The following POC1B variants were observed in gnomAD, a reference collection of about 807,000 sequenced individuals.
POC1B encodes the protein POC1 centriolar protein B.
In POC1B, 44 loss-of-function variants were observed where a neutral mutation model predicts 60.6. The ratio of observed to expected loss-of-function variants is 0.73; its 90% CI spans 0.57 to 0.93. The LOEUF (loss-of-function observed/expected upper bound fraction) is 0.93, where lower values mean the gene tolerates loss of function less well. POC1B is among the 40% of genes least tolerant of loss of function. The pLI, the probability that POC1B is intolerant of heterozygous loss-of-function variation, is 0.00. For missense variants in POC1B, 555 were observed against 572.3 expected (o/e 0.97, Z 0.31); for synonymous variants, 180 against 198.9 (o/e 0.90, Z 0.80).
chr12:89,462,611 T>A (rs752332521), intron 9 of POC1B, among the ~76,000 whole-genome samples: 7 of 152,180 alleles, frequency 4.6e-5, no homozygotes, highest in Non-Finnish European at 1.5e-5. Flanking sequence ...TAGTACAACG[T>A]CCAGCACACA....
At chr12:89,415,535 C>G (rs1880348995), downstream of POC1B, among the ~76,000 whole-genome samples, 1 of 151,224 alleles carries the variant, frequency 6.6e-6, no homozygotes, top group Non-Finnish European at 1.5e-5. Flanking sequence ...CCCAGCTACT[C>G]GGGAGGCTGA....
intron 4 of POC1B, among the ~76,000 whole-genome samples, chr12:89,475,911 T>G (rs1465296858): frequency 3.0e-5 from 1 of 33,656 alleles, no homozygotes; most frequent in Non-Finnish European, 5.7e-5. Context: ...GAGGGAATTC[T>G]TTTTTTTTTT....
At chr12:89,401,742 C>A in the POC1B span, among the ~76,000 whole-genome samples, 2 of 152,160 alleles carry the variant, frequency 1.3e-5, no homozygotes, top group Non-Finnish European at 2.9e-5. Context: ...TCACAAAGTC[C>A]TAAGAACTGA....
chr12:89,414,134 C>T, the POC1B span, among the ~76,000 whole-genome samples: 1 of 152,136 alleles, frequency 6.6e-6, no homozygotes, highest in East Asian at 1.9e-4. Context: ...CTCAAGTGAT[C>T]CGCCCACCTC....
chr12:89,500,441 C>G, intron 2 of POC1B: 1 of 1,550,168 alleles, frequency 6.5e-7, no homozygotes, highest in East Asian at 2.2e-5. Context: ...CCATGAAGTT[C>G]GTCAGAAAAT....
In POC1B at chr12:89,492,722, G is replaced by T. The variant is rs529411281; in HGVS notation, c.273-607C>A. Among the ~76,000 whole-genome samples, 10 of 152,256 alleles carry T rather than the reference G, an allele frequency of 6.6e-5. No homozygotes were observed. In the East Asian group the frequency reaches 1.5e-3, roughly 24 times the overall value. On this transcript the variant is annotated intron_variant, in intron 3 of 11. Coordinates refer to ENST00000313546, the MANE Select transcript of POC1B (RefSeq NM_172240.3). ...TGGCTGGTCAGCGTGACATCCGCCT[G>T]TGTCCAAGCCAGAAGCCTGGAAGTC...
rs573748819 is a variant in POC1B, at chr12:89,463,193, G to A, written c.1033-3475C>T. ...ACAGAATTTCATATGCAATTTATAT[G>A]TTAAGGTAATCTAAAATGGCCATAA... On this transcript the variant is annotated intron_variant, in intron 9 of 11. Transcript: ENST00000313546. Among the ~76,000 whole-genome samples the A allele has an allele frequency of 8.5e-5, 13 of 152,220 alleles. No homozygotes were observed. In the South Asian group the frequency reaches 2.7e-3, roughly 32 times the overall value.
At chr12:89,523,311 T>G in intron 2 of POC1B, 1 of 1,614,064 alleles carries the variant, frequency 6.2e-7, no homozygotes, top group Non-Finnish European at 8.5e-7. Context: ...CTCGTAGTAA[T>G]TTTCTTTCAG....
At chr12:89,453,246 C>A (rs1882125679) in intron 10 of POC1B, among the ~76,000 whole-genome samples, 1 of 152,152 alleles carries the variant, frequency 6.6e-6, no homozygotes, top group South Asian at 2.1e-4. Context: ...AATTAAGCAT[C>A]TTAGGGCTTA....
chr12:89,456,784 T>C (rs1460000510), intron 10 of POC1B, among the ~76,000 whole-genome samples: 1 of 152,184 alleles, frequency 6.6e-6, no homozygotes, highest in African/African-American at 2.4e-5. Context: ...AAAGACTGTA[T>C]GCCACAATTT....
At chr12:89,412,327 T>C in the POC1B span, among the ~76,000 whole-genome samples, 1 of 151,730 alleles carries the variant, frequency 6.6e-6, no homozygotes, top group Non-Finnish European at 1.5e-5. Context: ...CGTGCTGGCA[T>C]TATTTTTTCT....
chr12:89,510,736 C>T (rs1039780790), intron 2 of POC1B, among the ~76,000 whole-genome samples: 6 of 150,366 alleles, frequency 4.0e-5, no homozygotes, highest in Non-Finnish European at 8.9e-5. Context: ...TTAGTTTCGT[C>T]ACTGGAGGAA....
intron 2 of POC1B, chr12:89,524,350 G>C: frequency 6.2e-7 from 1 of 1,613,942 alleles, no homozygotes; most frequent in Non-Finnish European, 8.5e-7. Flanking sequence ...ATCTGCAGGG[G>C]GCTTCTTATA....
Position 89,450,569 on chromosome 12 carries a change from G to C in POC1B, c.1113+9069C>G, listed in dbSNP as rs1881999562. Among the ~76,000 whole-genome samples, 6 of 152,092 alleles carry C rather than the reference G, an allele frequency of 3.9e-5. No homozygotes were observed. In the South Asian group the frequency reaches 1.2e-3, roughly 32 times the overall value. ...ATTTTAAAATGAACAATAGGAAAAT[G>C]GGCAAAGTACACAAATACACAATCT... On this transcript the variant is annotated intron_variant, in intron 10 of 11. Coordinates refer to ENST00000313546, the MANE Select transcript of POC1B (RefSeq NM_172240.3).
chr12:89,524,290 T>C, intron 2 of POC1B: 3 of 1,614,042 alleles, frequency 1.9e-6, no homozygotes, highest in Non-Finnish European at 2.5e-6. Context: ...CAGTTCATCC[T>C]CGTTGAGCTG....
At chr12:89,448,509 AACAG>A (rs1881885908) in intron 10 of POC1B, among the ~76,000 whole-genome samples, 1 of 152,244 alleles carries the variant, frequency 6.6e-6, no homozygotes, top group African/African-American at 2.4e-5. Flanking sequence ...ATCCTTTCTC[AACAG>A]ACAGACAAAA....
At chr12:89,443,119 T>C (rs1881607509) in intron 10 of POC1B, among the ~76,000 whole-genome samples, 1 of 152,188 alleles carries the variant, frequency 6.6e-6, no homozygotes, top group African/African-American at 2.4e-5. Flanking sequence ...CTTAGAGACT[T>C]ACAAAGAGAC....
chr12:89,471,969 T>C (rs573576556), intron 5 of POC1B, among the ~76,000 whole-genome samples, 199 bp downstream of exon 5: 423 of 152,294 alleles, frequency 2.8e-3, no homozygotes, highest in African/African-American at 9.6e-3. Flanking sequence ...GGTTTCACTA[T>C]GTTGGTCAGG....
intron 2 of POC1B, chr12:89,521,098 A>ATTTTTTTTTTTT (rs201411448): frequency 8.8e-6 from 1 of 113,248 alleles, no homozygotes; most frequent in African/African-American, 3.5e-5. Context: ...CAGCTCACTT[A>ATTTTTTTTTTTT]TTTTATTATT....
Sources: gnomAD v4.1 joint callset for allele counts (sites outside exome capture counted in the v4.1 genomes callset) on GRCh38, gnomAD v4.1.1 for gene constraint, MANE v1.5 for transcripts, NCBI Gene and HGNC (gene_info 2026-07-23, HGNC 2026-07-21) for gene names.